The following NCKAP5 variants were observed in gnomAD, a reference collection of about 807,000 sequenced individuals.
The protein encoded by NCKAP5 is nck-associated protein 5.
Under a neutral mutation model 167.0 loss-of-function variants are expected in NCKAP5, and 92 were observed. That is an observed-to-expected ratio of 0.55 (90% CI 0.47 to 0.66). The LOEUF is 0.66. NCKAP5 is among the 30% of genes least tolerant of loss of function. The pLI is 0.00. For synonymous variants in NCKAP5, 891 were observed against 877.4 expected, an observed-to-expected ratio of 1.02 and a Z score of -0.27; for missense variants, 2,378 against 2,315.0, an observed-to-expected ratio of 1.03 and a Z score of -0.56.
At chr2:132,771,926 C>T (rs192019966) in intron 16 of NCKAP5, among the ~76,000 whole-genome samples, 2,380 of 148,490 alleles carry the variant, frequency 0.016, 72 homozygotes, top group African/African-American at 0.056. Flanking sequence ...CTCCTGACCT[C>T]GTGATCCACC....
intron 6 of NCKAP5, chr2:133,122,592 T>C (rs1262836754): frequency 6.6e-6 from 1 of 152,198 alleles, no homozygotes; most frequent in Non-Finnish European, 1.5e-5. Flanking sequence ...TAACTTCCTT[T>C]TGCCAGCCAA....
At chr2:132,971,832 C>T (rs926614563) in intron 7 of NCKAP5, among the ~76,000 whole-genome samples, 5 of 152,124 alleles carry the variant, frequency 3.3e-5, no homozygotes, top group Non-Finnish European at 7.4e-5. Context: ...TTGTTTAAAA[C>T]GCAGATTCCT....
At chr2:133,673,820 C>T in the NCKAP5 span, among the ~76,000 whole-genome samples, 7 of 152,116 alleles carry the variant, frequency 4.6e-5, no homozygotes, top group East Asian at 1.9e-4. Context: ...GATCCTTCAC[C>T]GTGAAATGTG....
chr2:133,637,781 G>A, the NCKAP5 span, among the ~76,000 whole-genome samples: 10 of 152,008 alleles, frequency 6.6e-5, no homozygotes, highest in Non-Finnish European at 1.2e-4. Flanking sequence ...ACATACATGC[G>A]ATTAGAGTTC....
intron 6 of NCKAP5, among the ~76,000 whole-genome samples, chr2:133,025,158 C>T (rs1413815740): frequency 6.6e-6 from 1 of 152,194 alleles, no homozygotes; most frequent in African/African-American, 2.4e-5. Context: ...CTTATTCCTC[C>T]TACTATCTTT....
intron 5 of NCKAP5, among the ~76,000 whole-genome samples, chr2:133,184,262 C>T (rs2084851888): frequency 1.3e-5 from 2 of 152,118 alleles, no homozygotes; most frequent in African/African-American, 4.8e-5. Context: ...TAATGGCCTC[C>T]AGCTCCATCC....
At chr2:133,300,426 C>A (rs1680303876) in intron 4 of NCKAP5, among the ~76,000 whole-genome samples, 1 of 107,578 alleles carries the variant, frequency 9.3e-6, no homozygotes, top group Non-Finnish European at 1.8e-5. Flanking sequence ...AAAGCTTATC[C>A]ACCATGATCA....
intron 3 of NCKAP5, among the ~76,000 whole-genome samples, chr2:133,324,809 G>A (rs974932985): frequency 6.6e-6 from 1 of 151,590 alleles, no homozygotes; most frequent in African/African-American, 2.4e-5. Flanking sequence ...AACCTTCACC[G>A]CCTGGGTTCA....
chr2:133,158,998 A>AGTG (rs1407301577), intron 5 of NCKAP5, among the ~76,000 whole-genome samples: 1 of 151,780 alleles, frequency 6.6e-6, no homozygotes, highest in African/African-American at 2.4e-5. Context: ...ATTTGGCAAG[A>AGTG]GTGGTTTTGC....
intron 3 of NCKAP5, among the ~76,000 whole-genome samples, chr2:133,447,664 T>G (rs1402983688): frequency 6.6e-6 from 1 of 151,748 alleles, no homozygotes; most frequent in Non-Finnish European, 1.5e-5. Flanking sequence ...TCTTTTCTTT[T>G]CTTTTTGTAG....
chr2:133,629,654 A>G, the NCKAP5 span, among the ~76,000 whole-genome samples: 1 of 152,226 alleles, frequency 6.6e-6, no homozygotes, highest in Admixed American at 6.5e-5. Flanking sequence ...AATATAAATC[A>G]TTGTATCACA....
chr2:132,802,311 G>T (rs1685104608), intron 11 of NCKAP5, among the ~76,000 whole-genome samples: 1 of 152,160 alleles, frequency 6.6e-6, no homozygotes, highest in South Asian at 2.1e-4. Flanking sequence ...TAGTGGACTG[G>T]ATGTTGGGCT....
At chr2:133,453,949 A>C (rs1369293763) in intron 3 of NCKAP5, among the ~76,000 whole-genome samples, 1 of 152,182 alleles carries the variant, frequency 6.6e-6, no homozygotes, top group South Asian at 2.1e-4. Context: ...TGTCACTTGC[A>C]TGGTACAATT....
chr2:133,671,999 A>G, the NCKAP5 span, among the ~76,000 whole-genome samples: 310 of 152,336 alleles, frequency 2.0e-3, 1 homozygote, highest in African/African-American at 7.3e-3. Context: ...AACAAATAAG[A>G]AGGAGATAAA....
chr2:133,116,487 CAAAAAAAAAAAAAAAAAA>C (rs1176731938), intron 6 of NCKAP5, among the ~76,000 whole-genome samples: 1 of 7,146 alleles, frequency 1.4e-4, no homozygotes, highest in Non-Finnish European at 2.5e-4. Flanking sequence ...GACTCCGTCT[CAAAAAAAAAAAAAAAAAA>C]AAAAAAAAAA....
At chr2:133,272,826 C>T (rs534540589) in intron 4 of NCKAP5, among the ~76,000 whole-genome samples, 2 of 152,290 alleles carry the variant, frequency 1.3e-5, no homozygotes, top group East Asian at 1.9e-4. Context: ...CTTTCTCTGG[C>T]TTCTTTCCCT....
chr2:133,310,606 G>A lies in NCKAP5; in HGVS notation c.70-7496C>T, dbSNP rs569083505. 3.7e-4 allele frequency among the ~76,000 whole-genome samples: 56 copies of A among 152,170 alleles called. 1 individual carries two copies. Among genetic ancestry groups the A allele is most frequent in the Non-Finnish European group, 7.3e-4 (50 of 68,036 alleles). ...AGCATGGCCTGTGCTGCTCAATCAC[G>A]CTCTGCAGGTCCAATCCTGTGAGTC... On this transcript the variant is annotated intron_variant, in intron 3 of 19. Transcript: ENST00000409261.
At chr2:133,576,194 C>T in the NCKAP5 span, among the ~76,000 whole-genome samples, 6 of 149,710 alleles carry the variant, frequency 4.0e-5, no homozygotes, top group African/African-American at 9.8e-5. Flanking sequence ...AACTTGGCTG[C>T]CATTCTTTTC....
At chr2:133,142,005 T>C (rs1051212461) in intron 5 of NCKAP5, among the ~76,000 whole-genome samples, 16 of 152,144 alleles carry the variant, frequency 1.1e-4, no homozygotes, top group Admixed American at 7.9e-4. Flanking sequence ...TTACCAAAGT[T>C]AGAAGAAATT....
Sources: allele counts gnomAD v4.1 joint callset (sites outside exome capture counted in the v4.1 genomes callset), GRCh38; gene constraint gnomAD v4.1.1; transcripts MANE v1.5; gene names NCBI Gene and HGNC (gene_info 2026-07-23, HGNC 2026-07-21).